The following UST variants were observed in gnomAD, a reference collection of about 807,000 sequenced individuals.
UST encodes the protein chondroitin sulfate 2-O-sulfotransferase.
UST carries 21 observed loss-of-function variants against 45.6 expected under a neutral mutation model. That is an observed-to-expected ratio of 0.46 (90% CI 0.33 to 0.66). The LOEUF (loss-of-function observed/expected upper bound fraction) is 0.66, where lower values mean the gene tolerates loss of function less well. Ranked by LOEUF, UST falls within the 30% of genes least tolerant of loss-of-function variation. The pLI is 0.02. For missense variants in UST, 463 were observed against 512.4 expected, an observed-to-expected ratio of 0.90 and a Z score of 0.93; for synonymous variants, 215 against 200.6, an observed-to-expected ratio of 1.07 and a Z score of -0.61.
At chr6:148,807,532 T>C (rs1777173844) in intron 1 of UST, among the ~76,000 whole-genome samples, 2 of 152,116 alleles carry the variant, frequency 1.3e-5, no homozygotes, top group African/African-American at 4.8e-5. Context: ...ATACTGGTTT[T>C]CCTCTCTCTT....
At chr6:148,749,493 G>T (rs1236923046) in intron 1 of UST, among the ~76,000 whole-genome samples, 2 of 152,230 alleles carry the variant, frequency 1.3e-5, no homozygotes, top group Admixed American at 6.5e-5. Context: ...ACCTGGCCTC[G>T]TGTAGGGTAC....
chr6:148,996,314 G>A (rs1160458298), intron 5 of UST, among the ~76,000 whole-genome samples: 2 of 152,132 alleles, frequency 1.3e-5, no homozygotes, highest in East Asian at 1.9e-4. Context: ...TGCCTCCCAG[G>A]TTCAAGTGAT....
chr6:148,881,808 C>T (rs986595210), intron 1 of UST, among the ~76,000 whole-genome samples: 6 of 152,078 alleles, frequency 3.9e-5, no homozygotes, highest in South Asian at 4.2e-4. Context: ...CAGCACTCAT[C>T]CTTTGATCTC....
rs149748598 is a variant in UST at position 149,046,154 on chromosome 6, G to C, written c.937+24673G>C. 7.1e-3 allele frequency among the ~76,000 whole-genome samples: 1,077 copies of C among 152,334 alleles called. 8 individuals carry two copies. Among genetic ancestry groups the C allele is most frequent in the Non-Finnish European group, 8.4e-3 (570 of 68,026 alleles). ...TGCCTGGAGTATATCGTGCATCCCT[G>C]TTTATGGAGCCTAGAGTCTTATTTG... On this transcript the variant is annotated intron_variant, in intron 7 of 7. Coordinates refer to ENST00000367463, the MANE Select transcript of UST (RefSeq NM_005715.3).
intron 3 of UST, among the ~76,000 whole-genome samples, chr6:148,944,065 A>G (rs898699988): frequency 3.3e-5 from 5 of 152,178 alleles, no homozygotes; most frequent in African/African-American, 1.2e-4. Flanking sequence ...CAGAAAAAAT[A>G]TTATTTTAAT....
intron 1 of UST, among the ~76,000 whole-genome samples, chr6:148,813,296 T>C (rs1157631890): frequency 1.3e-5 from 2 of 152,156 alleles, no homozygotes; most frequent in Non-Finnish European, 2.9e-5. Context: ...TTTTTTCTTT[T>C]AAATTTTGTG....
At chr6:148,949,248 G>T (rs1033939583) in intron 3 of UST, among the ~76,000 whole-genome samples, 1 of 151,008 alleles carries the variant, frequency 6.6e-6, no homozygotes, top group Admixed American at 6.6e-5. Flanking sequence ...CCAAGATTGC[G>T]CCACTGCACT....
At chr6:148,909,932 A>G (rs1779441308) in intron 2 of UST, among the ~76,000 whole-genome samples, 1 of 152,196 alleles carries the variant, frequency 6.6e-6, no homozygotes, top group African/African-American at 2.4e-5. Context: ...ATGCAAATAT[A>G]GAAAGAACTA....
At chr6:148,837,877 A>G (rs1777817570) in intron 1 of UST, among the ~76,000 whole-genome samples, 1 of 151,934 alleles carries the variant, frequency 6.6e-6, no homozygotes, top group Non-Finnish European at 1.5e-5. Flanking sequence ...TAAATTTTGT[A>G]TTTTTTGTAG....
chr6:148,981,779 T>G (rs1421948794), intron 5 of UST, among the ~76,000 whole-genome samples: 1 of 152,264 alleles, frequency 6.6e-6, no homozygotes, highest in African/African-American at 2.4e-5. Context: ...CTGTATTTCC[T>G]GTGCAAGCAT....
At chr6:149,021,575 G>A (rs1267772617) in intron 7 of UST, 94 bp downstream of exon 7, 2 of 1,428,254 alleles carry the variant, frequency 1.4e-6, no homozygotes, top group African/African-American at 2.9e-5. Flanking sequence ...GGAGTGAAAT[G>A]ATCTCTTCTG....
chr6:149,027,605 G>T (rs1776067728), intron 7 of UST: 1 of 152,152 alleles, frequency 6.6e-6, no homozygotes, highest in Admixed American at 6.5e-5. Context: ...TGTGGGGGTG[G>T]TCTCCACCTC....
At chr6:149,052,542 C>G (rs1179541186) in intron 7 of UST, among the ~76,000 whole-genome samples, 1 of 152,170 alleles carries the variant, frequency 6.6e-6, no homozygotes, top group East Asian at 1.9e-4. Context: ...ATTGAACATT[C>G]AACCCAGGCC....
rs74667766 is a variant in UST at position 148,964,941 on chromosome 6, A to C, written c.681+378A>C. 8.1e-3 allele frequency among the ~76,000 whole-genome samples: 1,225 copies of C among 152,162 alleles called. 20 individuals are homozygous for C. Among genetic ancestry groups the C allele is most frequent in the African/African-American group, 0.028 (1,153 of 41,528 alleles). On this transcript the variant is annotated intron_variant, in intron 5 of 7. Transcript: ENST00000367463. Reference sequence around the variant, plus strand: ...AGAGCCCCTTCTCATCCCTCAGCCCATTCAGTTCCCATGACCACTCTGGGA... The same window carrying C: ...AGAGCCCCTTCTCATCCCTCAGCCCCTTCAGTTCCCATGACCACTCTGGGA...
chr6:148,941,949 AC>A (rs1780135562), intron 3 of UST, among the ~76,000 whole-genome samples: 1 of 152,186 alleles, frequency 6.6e-6, no homozygotes, highest in African/African-American at 2.4e-5. Flanking sequence ...ACCCCACTTC[AC>A]AGGAACAATT....
At chr6:148,900,305 G>C (rs768791997) in intron 2 of UST, among the ~76,000 whole-genome samples, 2 of 152,044 alleles carry the variant, frequency 1.3e-5, no homozygotes, top group Non-Finnish European at 2.9e-5. Context: ...CTTCTGTATC[G>C]ATATGGTTTG....
intron 1 of UST, among the ~76,000 whole-genome samples, chr6:148,870,049 C>A (rs971105324): frequency 6.6e-6 from 1 of 151,610 alleles, no homozygotes; most frequent in African/African-American, 2.4e-5. Flanking sequence ...TCCTCACAGA[C>A]TACTTCTATT....
At chr6:149,023,094 G>T in intron 7 of UST, among the ~76,000 whole-genome samples, 1 of 125,684 alleles carries the variant, frequency 8.0e-6, no homozygotes, top group African/African-American at 3.1e-5. Context: ...GCTTTATCTT[G>T]TTCTATGGTG....
Position 148,782,818 on chromosome 6 carries a change from C to T in UST, c.247+35141C>T, listed in dbSNP as rs143017060. 1.5e-3 allele frequency among the ~76,000 whole-genome samples: 235 copies of T among 152,292 alleles called. 1 individual carries two copies. Among genetic ancestry groups the T allele is most frequent in the African/African-American group, 5.4e-3 (223 of 41,562 alleles). On this transcript the variant is annotated intron_variant, in intron 1 of 7. Transcript: ENST00000367463. ...AGATGGAATCTACTCCTGGCGAAGA[C>T]GCGGTGAACATTGTTGAAATGACAA...
Sources: gnomAD v4.1 joint callset for allele counts (sites outside exome capture counted in the v4.1 genomes callset) on GRCh38, gnomAD v4.1.1 for gene constraint, MANE v1.5 for transcripts, NCBI Gene and HGNC (gene_info 2026-07-23, HGNC 2026-07-21) for gene names.